Variants in COL8A1 observed in about 807,000 individuals in gnomAD.
COL8A1 encodes the protein collagen alpha-1(VIII) chain.
Under a neutral mutation model 42.7 loss-of-function variants are expected in COL8A1, and 21 were observed. That is an observed-to-expected ratio of 0.49 (90% CI 0.35 to 0.71). The LOEUF is 0.71. Among genes scored for constraint, COL8A1 ranks in the 30% least tolerant of loss-of-function variants. The pLI is 0.01. For synonymous variants in COL8A1, 367 were observed against 369.1 expected (o/e 0.99, Z 0.06); for missense variants, 788 against 962.4 (o/e 0.82, Z 2.40).
At chr3:99,711,040 T>C (rs943140517) in intron 1 of COL8A1, among the ~76,000 whole-genome samples, 1 of 152,172 alleles carries the variant, frequency 6.6e-6, no homozygotes, top group Non-Finnish European at 1.5e-5. Context: ...TCTCAAACTA[T>C]AAATGGTGGA....
chr3:99,697,595 G>A (rs1465994742), intron 1 of COL8A1, among the ~76,000 whole-genome samples: 1 of 152,160 alleles, frequency 6.6e-6, no homozygotes, highest in Non-Finnish European at 1.5e-5. Context: ...GACTCTTTCA[G>A]CACCTAGGAG....
chr3:99,794,985 C>T lies in COL8A1; in HGVS notation c.1084C>T (p.Arg362Trp), dbSNP rs558799692. 6.9e-6 allele frequency: 11 copies of T among 1,605,078 alleles called. No homozygotes were observed. The highest frequency in any genetic ancestry group is 1.7e-5 in the Admixed American group (1 of 58,746). The change falls in exon 4 of 4, where the codon CGG becomes TGG. Residue 362 changes from arginine (R) to tryptophan (W), a missense_variant. Arg to Trp is a moderately radical substitution (Grantham distance 101, BLOSUM62 -3). This residue lies in a region of COL8A1 where 421 missense variants were observed against 553.1 expected (regional missense o/e 0.76). Transcript: ENST00000652472. This position sits in a 1 kb window ranked among gnomAD's most constrained non-coding sequence, Gnocchi z 4.3. The stretch of plus-strand genomic sequence containing the variant: ...AGGCTTCCCAGGACCCAAAGGTGAC[C>T]GGGGCATGGGAGGTGTTCCTGGGGC... ...KPGFPGPKGD[R>W]GMGGVPGALG... is the part of the protein sequence containing the mutation.
At chr3:99,669,645 G>A (rs1938481359) in intron 1 of COL8A1, among the ~76,000 whole-genome samples, 1 of 151,826 alleles carries the variant, frequency 6.6e-6, no homozygotes, top group Non-Finnish European at 1.5e-5. Context: ...TGCCTTTGTA[G>A]TACTAGAAAT....
intron 2 of COL8A1, among the ~76,000 whole-genome samples, chr3:99,766,904 G>A (rs921697543): frequency 4.6e-5 from 7 of 151,542 alleles, no homozygotes; most frequent in South Asian, 2.1e-4. Flanking sequence ...AGCCAATATC[G>A]TGCCATTGCA....
In COL8A1 at chr3:99,794,167, C is replaced by A. The variant is rs954451457; in HGVS notation, c.329-63C>A. 10 of 1,022,064 alleles carry A rather than the reference C, an allele frequency of 9.8e-6. No homozygotes were observed. The Admixed American group carries it at 1.9e-4, about 19-fold the overall frequency. 63.3% of individuals were successfully genotyped at this position (1,022,064 alleles called of 1,614,324 possible). ...GTCAGTACTTCATTGATGTGAGAGA[C>A]AATCTACTAATCAATCTCTCTCTCT... On this transcript the variant is annotated intron_variant, in intron 3 of 3. Coordinates refer to ENST00000652472, the MANE Select transcript of COL8A1 (RefSeq NM_020351.4). The surrounding 1 kb of genome is among the most constrained non-coding windows in gnomAD (Gnocchi z 4.3).
At chr3:99,768,201 A>C (rs1054242249) in intron 2 of COL8A1, among the ~76,000 whole-genome samples, 1 of 152,242 alleles carries the variant, frequency 6.6e-6, no homozygotes, top group African/African-American at 2.4e-5. Context: ...AGGAATACCG[A>C]AAGACATTTT....
chr3:99,682,191 G>A (rs1448186475), intron 1 of COL8A1, among the ~76,000 whole-genome samples: 1 of 152,130 alleles, frequency 6.6e-6, no homozygotes, highest in African/African-American at 2.4e-5. Flanking sequence ...AAGGCGGGAG[G>A]ATGACTTGAG....
chr3:99,730,023 C>A (rs1233445122), intron 1 of COL8A1, among the ~76,000 whole-genome samples: 2 of 152,090 alleles, frequency 1.3e-5, no homozygotes, highest in Non-Finnish European at 2.9e-5. Flanking sequence ...AATACAGCAT[C>A]CCTTAAAAAA....
intron 1 of COL8A1, among the ~76,000 whole-genome samples, chr3:99,719,033 G>T (rs555077454): frequency 2.4e-4 from 36 of 152,138 alleles, no homozygotes; most frequent in African/African-American, 8.7e-4. Context: ...ATAACTCTGT[G>T]TGGGCAAGTT....
At chr3:99,650,442 A>T (rs1043637653) in intron 1 of COL8A1, among the ~76,000 whole-genome samples, 1 of 150,000 alleles carries the variant, frequency 6.7e-6, no homozygotes. Context: ...TTTATTTTTA[A>T]TTTTTTTTTT....
At position 99,702,198 on chromosome 3, in the gene COL8A1, G is replaced by C. The variant is rs572893165; in HGVS notation, c.-128-42699G>C. Among the ~76,000 whole-genome samples the C allele has an allele frequency of 5.3e-5, 8 of 152,218 alleles. 1 individual carries two copies. In the South Asian group the frequency reaches 1.7e-3, roughly 32 times the overall value. ...TGAAATTTAAACATTCCTGAGAAAT[G>C]ATACTTAAAGTCATTAACAAACAAC... On this transcript the variant is annotated intron_variant, in intron 1 of 3. Transcript: ENST00000652472.
At chr3:99,729,034 A>G (rs1209987251) in intron 1 of COL8A1, among the ~76,000 whole-genome samples, 1 of 152,070 alleles carries the variant, frequency 6.6e-6, no homozygotes, top group East Asian at 1.9e-4. Context: ...CATTTGAAAA[A>G]AAGCTAGTAT....
intron 2 of COL8A1, among the ~76,000 whole-genome samples, chr3:99,775,087 C>T (rs955390999): frequency 6.6e-6 from 1 of 152,166 alleles, no homozygotes; most frequent in South Asian, 2.1e-4. Context: ...AAGACAGACA[C>T]CACAAGAGGT....
chr3:99,785,412 C>A (rs1358093095), intron 2 of COL8A1, among the ~76,000 whole-genome samples: 2 of 152,020 alleles, frequency 1.3e-5, no homozygotes, highest in African/African-American at 4.8e-5. Flanking sequence ...GGACAAAAAA[C>A]AACAAGAAAA....
intron 1 of COL8A1, among the ~76,000 whole-genome samples, chr3:99,725,070 T>G (rs934065555): frequency 1.2e-4 from 19 of 152,100 alleles, no homozygotes; most frequent in African/African-American, 4.6e-4. Context: ...TAAGACATCC[T>G]CAATAAACAA....
chr3:99,662,807 A>C (rs1418981995), intron 1 of COL8A1, among the ~76,000 whole-genome samples: 1 of 151,984 alleles, frequency 6.6e-6, no homozygotes, highest in Non-Finnish European at 1.5e-5. Flanking sequence ...GCATCACCCC[A>C]ATCTCTGCCT....
intron 2 of COL8A1, among the ~76,000 whole-genome samples, chr3:99,785,743 C>T (rs1244900582): frequency 4.6e-5 from 7 of 152,128 alleles, no homozygotes; most frequent in African/African-American, 1.7e-4. Context: ...TGTGAAGACG[C>T]AGGGAGGTGA....
At chr3:99,652,188 A>C (rs1360484447) in intron 1 of COL8A1, among the ~76,000 whole-genome samples, 2 of 152,270 alleles carry the variant, frequency 1.3e-5, no homozygotes, top group African/African-American at 4.8e-5. Flanking sequence ...TTTTCCACAG[A>C]GAAAGTACAC....
intron 2 of COL8A1, among the ~76,000 whole-genome samples, chr3:99,755,714 C>A (rs1941240707): frequency 6.6e-6 from 1 of 152,204 alleles, no homozygotes; most frequent in African/African-American, 2.4e-5. Context: ...ATCTGGAAGA[C>A]AGTTCAGGCA....
Sources: allele counts gnomAD v4.1 joint callset (sites outside exome capture counted in the v4.1 genomes callset), GRCh38; gene constraint gnomAD v4.1.1; regional missense constraint gnomAD v4.1.1; non-coding constraint Gnocchi (gnomAD v3.1); transcripts MANE v1.5; gene names NCBI Gene and HGNC (gene_info 2026-07-23, HGNC 2026-07-21).